POMT2: variants seen among roughly 807,000 people sequenced by gnomAD.
The protein encoded by POMT2 is protein O-mannosyltransferase 2.
A neutral mutation model predicts 100.0 loss-of-function variants in POMT2; 75 were observed. The observed-to-expected ratio is 0.75, with a 90% CI of 0.62 to 0.91. The LOEUF is 0.91. Ranked by LOEUF, POMT2 falls within the 40% of genes least tolerant of loss-of-function variation. The probability of loss-of-function intolerance (pLI) is 0.00; values close to 1 mark genes in which losing one functional copy is unlikely to be tolerated. For synonymous variants in POMT2, 378 were observed against 374.1 expected, an observed-to-expected ratio of 1.01 and a Z score of -0.12; for missense variants, 940 against 955.1, an observed-to-expected ratio of 0.98 and a Z score of 0.21.
chr14:77,286,982 C>A (rs1594891056), intron 11 of POMT2, 160 bp from the exon 12 acceptor site: 2 of 1,411,248 alleles, frequency 1.4e-6, no homozygotes, highest in East Asian at 2.6e-5. Flanking sequence ...TATTTACTCA[C>A]AAGAAATATC....
chr14:77,287,003 G>T (rs1477498944), intron 11 of POMT2, 181 bp from the exon 12 acceptor site: 3 of 1,255,294 alleles, frequency 2.4e-6, no homozygotes, highest in Non-Finnish European at 3.2e-6. Context: ...CTGAGAACTG[G>T]AGAAGAGATG....
intron 16 of POMT2, 118 bp downstream of exon 16, chr14:77,280,274 C>CAGATACTCCCACCTCTGGCCAAT (rs1890166881): frequency 1.6e-5 from 25 of 1,565,440 alleles, no homozygotes; most frequent in East Asian, 9.3e-5. Context: ...CTCTGGCCAA[C>CAGATACTCCCACCTCTGGCCAAT]CCATCCCAGG....
intron 5 of POMT2, 143 bp downstream of exon 5, chr14:77,302,692 T>TTA: frequency 1.4e-6 from 1 of 701,394 alleles, no homozygotes; most frequent in Non-Finnish European, 2.5e-6. Context: ...CAATCTAAGT[T>TTA]AAAAAAACAA....
In POMT2 at chr14:77,298,615, T is replaced by C. The variant is rs181665520; in HGVS notation, c.1006+74A>G. The C allele has an allele frequency of 9.4e-5, 141 of 1,494,548 alleles. 1 individual carries two copies. Among genetic ancestry groups the C allele is most frequent in the Middle Eastern group, 6.8e-4 (4 of 5,874 alleles). The allele number at this position is 1,494,548 out of a possible 1,614,324, so 92.6% of individuals were successfully genotyped here. On this transcript the variant is annotated intron_variant, in intron 8 of 20. Transcript: ENST00000261534. ...AGGCTAAAATAACCCAAAGCCATCA[T>C]ATTTGTCTTTTCCAATTCAACTCCC...
Position 77,320,743 on chromosome 14 carries a change from G to A in POMT2, c.-62C>T. 1 of 1,567,980 alleles carries A rather than the reference G, an allele frequency of 6.4e-7. No homozygotes were observed. The highest frequency in any genetic ancestry group is 1.1e-5 in the South Asian group (1 of 87,708). ...CACACTTTGTCTGACCAGCCGCCCC[G>A]CCAAGGAGTCACAAGAGGGCAGCTC... On this transcript the variant is annotated 5_prime_UTR_variant, in exon 1 of 21. Transcript: ENST00000261534.
chr14:77,283,794 T>A lies in POMT2; in HGVS notation c.1653+3A>T. The A allele has an allele frequency of 6.2e-7, 1 of 1,601,306 alleles. No homozygotes were observed. Among genetic ancestry groups the A allele is most frequent in the African/African-American group, 1.3e-5 (1 of 74,718 alleles). ...CGCCATGAAATGAGAAGGGGACACA[T>A]ACCCGGATCATGACCATGTGGGATT... On this transcript the variant is annotated splice_donor_region_variant and intron_variant, in intron 15 of 20. Transcript: ENST00000261534.
chr14:77,299,538 A>G lies in POMT2; in HGVS notation c.840T>C (p.Thr280=), dbSNP rs974324731. 6.2e-7 allele frequency: 1 copy of G among 1,614,060 alleles called. No homozygotes were observed. Among genetic ancestry groups the G allele is most frequent in the Admixed American group, 1.7e-5 (1 of 60,010 alleles). ...LSLVTVGKHL[T]ARVLCLIVLP... is the part of the protein sequence containing the mutation. Reference sequence around the variant, plus strand: ...GCACTATGAGGCACAGGACACGAGCAGTCAGGTGTTTTCCCACAGTCACCT... The same window carrying G: ...GCACTATGAGGCACAGGACACGAGCGGTCAGGTGTTTTCCCACAGTCACCT... The change falls in exon 7 of 21, where the codon ACT becomes ACC. Residue 280 remains threonine (T), a synonymous_variant. Transcript: ENST00000261534.
intron 10 of POMT2, among the ~76,000 whole-genome samples, chr14:77,289,248 G>A (rs187629793): frequency 9.9e-5 from 15 of 151,878 alleles, no homozygotes; most frequent in Non-Finnish European, 1.5e-4. Flanking sequence ...AATAATAGCC[G>A]GGCGTGGTGG....
At chr14:77,290,360 C>T (rs1399250842) in intron 10 of POMT2, among the ~76,000 whole-genome samples, 1 of 152,174 alleles carries the variant, frequency 6.6e-6, no homozygotes, top group Non-Finnish European at 1.5e-5. Flanking sequence ...ACAGACTCTG[C>T]CCAATGGTGT....
intron 11 of POMT2, 103 bp from the exon 12 acceptor site, chr14:77,286,925 A>G (rs1890446227): frequency 6.3e-7 from 1 of 1,575,500 alleles, no homozygotes; most frequent in Non-Finnish European, 8.6e-7. Context: ...GGATAAGAAA[A>G]ATTAGAATCT....
chr14:77,318,467 C>A lies in POMT2; in HGVS notation c.248+1967G>T, dbSNP rs1891706086. Reference sequence around the variant, plus strand: ...TGTGCAAACACACAGATCAGCACCACCTTCTATCAATGCGGCTGATACAAA... The same window carrying A: ...TGTGCAAACACACAGATCAGCACCAACTTCTATCAATGCGGCTGATACAAA... On this transcript the variant is annotated intron_variant, in intron 1 of 20. Coordinates refer to ENST00000261534, the MANE Select transcript of POMT2 (RefSeq NM_013382.7). Among the ~76,000 whole-genome samples the A allele has an allele frequency of 2.0e-5, 3 of 152,218 alleles. No homozygotes were observed. In the South Asian group the frequency reaches 6.2e-4, roughly 31 times the overall value.
At chr14:77,288,625 C>T (rs1283937343) in intron 11 of POMT2, 137 bp downstream of exon 11, 2 of 742,214 alleles carry the variant, frequency 2.7e-6, no homozygotes, top group East Asian at 5.6e-5. Context: ...TCATAAAATG[C>T]TTCTCCCATT....
chr14:77,276,958 C>A lies in POMT2; in HGVS notation c.*418G>T. On this transcript the variant is annotated 3_prime_UTR_variant, in exon 21 of 21. Transcript: ENST00000261534. The stretch of plus-strand genomic sequence containing the variant: ...CTTACAAACCAAAACCAAAGAAATC[C>A]AACAGAAAAAAATACCAGAAAATAT... The A allele has an allele frequency of 5.5e-6, 1 of 183,242 alleles. No individual in the cohort carries two copies. Among genetic ancestry groups the A allele is most frequent in the Non-Finnish European group, 1.2e-5 (1 of 85,260 alleles). The allele number at this position is 183,242 out of a possible 1,614,324, so 11.4% of individuals were successfully genotyped here. A position where few individuals can be genotyped will look rare whatever the true frequency, so the allele number is the denominator to read the frequency against.
chr14:77,292,963 G>C (rs534517694), intron 9 of POMT2, among the ~76,000 whole-genome samples: 1 of 152,220 alleles, frequency 6.6e-6, no homozygotes, highest in Non-Finnish European at 1.5e-5. Flanking sequence ...TTTCTCAGAA[G>C]GTATCCCCCC....
chr14:77,307,430 G>C (rs1891263742), intron 2 of POMT2, among the ~76,000 whole-genome samples: 1 of 152,246 alleles, frequency 6.6e-6, no homozygotes, highest in African/African-American at 2.4e-5. Context: ...AAGTCTGGCA[G>C]TAAAAGACAA....
rs61990302 is a variant in POMT2, at chr14:77,304,884, G to A, written c.439-84C>T. On this transcript the variant is annotated intron_variant, in intron 3 of 20. Transcript: ENST00000261534. The stretch of plus-strand genomic sequence containing the variant: ...GGACTCAGTACAACCTAACATTTAA[G>A]ACAGGGGACCTGATGAAGGCATGAC... The A allele has an allele frequency of 5.9e-6, 9 of 1,538,402 alleles. No individual in the cohort carries two copies. The Admixed American group carries it at 1.8e-4, about 30-fold the overall frequency.
In POMT2 at chr14:77,298,758, C is replaced by G. The variant is rs772836124; in HGVS notation, c.937G>C (p.Gly313Arg). The G allele has an allele frequency of 6.2e-6, 10 of 1,612,898 alleles. 1 individual carries two copies. The East Asian group carries it at 2.0e-4, about 32-fold the overall frequency. The change falls in exon 8 of 21, where the codon GGT (glycine) becomes CGT (arginine). Residue 313 changes from glycine (G) to arginine (R), a missense_variant. Gly to Arg is a moderately radical substitution (Grantham distance 125). Coordinates refer to ENST00000261534, the MANE Select transcript of POMT2 (RefSeq NM_013382.7). Reference sequence around the variant, plus strand: ...GCCTGGAAGGCAGAACTGAAGAAACCGTCACCAGGGCCACTGTGGGGAGAG... The same window carrying G: ...GCCTGGAAGGCAGAACTGAAGAAACGGTCACCAGGGCCACTGTGGGGAGAG... Reference protein sequence around the residue: ...MVLSKSGPGDGFFSSAFQARL... With the variant: ...MVLSKSGPGDRFFSSAFQARL...
chr14:77,307,858 C>CTTTTT lies in POMT2; in HGVS notation c.334-1422_334-1418dup, dbSNP rs57755259. Among the ~76,000 whole-genome samples the CTTTTT allele has an allele frequency of 6.2e-3, 624 of 101,202 alleles. 5 individuals carry two copies. Among genetic ancestry groups the CTTTTT allele is most frequent in the East Asian group, 0.012 (40 of 3,450 alleles). 66.4% of individuals were successfully genotyped at this position (101,202 alleles called of 152,430 possible). On this transcript the variant is annotated intron_variant, in intron 2 of 20. Transcript: ENST00000261534. ...AAAAGTAGCCCCAAGTTAATTTCTTCTTTTTTTTTTTTTTTTTTTTTTGAG... is the reference window on the plus strand; with the variant it reads ...AAAAGTAGCCCCAAGTTAATTTCTTCTTTTTTTTTTTTTTTTTTTTTTTTTTTGAG...
chr14:77,279,837 G>A lies in POMT2; in HGVS notation c.1877C>T (p.Pro626Leu), dbSNP rs1262591820. 8 of 1,613,558 alleles carry A rather than the reference G, an allele frequency of 5.0e-6. No individual in the cohort carries two copies. The highest frequency in any genetic ancestry group is 2.7e-5 in the African/African-American group (2 of 74,902). The change falls in exon 18 of 21, where the codon CCA (proline) becomes CTA (leucine). Residue 626 changes from proline to leucine, a missense_variant. Pro to Leu is a moderately conservative substitution (Grantham distance 98, BLOSUM62 -3). Coordinates refer to ENST00000261534, the MANE Select transcript of POMT2 (RefSeq NM_013382.7). ...GAGGACCTGACCTGCAACCTCCGCTGGCAGCCGTGCCCCTCTCTGCATGGC... is the reference window on the plus strand; with the variant it reads ...GAGGACCTGACCTGCAACCTCCGCTAGCAGCCGTGCCCCTCTCTGCATGGC... ...AVAMQRGARL[P>L]AEVAGLSQVL...
Sources: allele counts gnomAD v4.1 joint callset (sites outside exome capture counted in the v4.1 genomes callset), GRCh38; gene constraint gnomAD v4.1.1; transcripts MANE v1.5; gene names NCBI Gene and HGNC (gene_info 2026-07-23, HGNC 2026-07-21).